Variants in CACNA1A observed in about 807,000 individuals in gnomAD.
CACNA1A encodes the protein calcium voltage-gated channel subunit alpha1 A, also known as voltage-dependent P/Q-type calcium channel subunit alpha-1A.
Under a neutral mutation model 262.4 loss-of-function variants are expected in CACNA1A, and 57 were observed. The ratio of observed to expected loss-of-function variants is 0.22; its 90% CI spans 0.18 to 0.27. The LOEUF is 0.27. Among genes scored for constraint, CACNA1A ranks in the 10% least tolerant of loss-of-function variants. The pLI is 1.00. For missense variants in CACNA1A, 2,526 were observed against 3,562.8 expected, an observed-to-expected ratio of 0.71 and a Z score of 7.41; for synonymous variants, 1,431 against 1,419.3, an observed-to-expected ratio of 1.01 and a Z score of -0.18.
At chr19:13,396,066 G>A (rs1050898291) in intron 3 of CACNA1A, among the ~76,000 whole-genome samples, 3 of 152,176 alleles carry the variant, frequency 2.0e-5, no homozygotes, top group Non-Finnish European at 4.4e-5. Flanking sequence ...GAAGGCTCTC[G>A]TGCAAACACA....
rs1010794210 is a variant in CACNA1A, at chr19:13,207,254, C to T, written c.*59G>A. On this transcript the variant is annotated 3_prime_UTR_variant, in exon 47 of 47. Transcript: ENST00000360228. The surrounding 1 kb of genome is among the most constrained non-coding windows in gnomAD (Gnocchi z 5.7). Reference sequence around the variant, plus strand: ...CCCCCGCGGCCTCTGCGCGGCTCCTCGGGTGGGGTGTGTGCGTGGGGTGCG... The same window carrying T: ...CCCCCGCGGCCTCTGCGCGGCTCCTTGGGTGGGGTGTGTGCGTGGGGTGCG... 1 of 1,459,714 alleles carries T rather than the reference C, an allele frequency of 6.9e-7. No homozygotes were observed. Among genetic ancestry groups the T allele is most frequent in the South Asian group, 1.3e-5 (1 of 76,944 alleles). The allele number at this position is 1,459,714 out of a possible 1,614,324, so 90.4% of individuals were successfully genotyped here.
chr19:13,464,657 TC>T (rs1741870029), intron 1 of CACNA1A, among the ~76,000 whole-genome samples: 2 of 150,490 alleles, frequency 1.3e-5, no homozygotes, highest in South Asian at 2.1e-4. Flanking sequence ...CACGCCATTC[TC>T]CTGCCTCAGC....
At chr19:13,334,756 C>A (rs974221895) in intron 7 of CACNA1A, among the ~76,000 whole-genome samples, 1 of 151,968 alleles carries the variant, frequency 6.6e-6, no homozygotes, top group Non-Finnish European at 1.5e-5. Flanking sequence ...AGAAAAAGGC[C>A]AGGCACAGTG....
At chr19:13,358,940 A>G (rs573004465) in intron 6 of CACNA1A, among the ~76,000 whole-genome samples, 1 of 152,280 alleles carries the variant, frequency 6.6e-6, no homozygotes, top group East Asian at 1.9e-4. Context: ...CTGTCCTGCC[A>G]GAGGGGCTCC....
intron 19 of CACNA1A, among the ~76,000 whole-genome samples, chr19:13,290,454 C>G (rs1384101233): frequency 1.3e-5 from 2 of 151,980 alleles, no homozygotes; most frequent in Non-Finnish European, 2.9e-5. Flanking sequence ...GGGTCTTGCT[C>G]TGTTGCCCAG....
rs1171960249 is a variant in CACNA1A, at chr19:13,241,324, A to G, written c.4950+3858T>C. 1.3e-5 allele frequency among the ~76,000 whole-genome samples: 2 copies of G among 152,020 alleles called. No individual in the cohort carries two copies. The highest frequency in any genetic ancestry group is 6.6e-5 in the Admixed American group (1 of 15,246). On this transcript the variant is annotated intron_variant, in intron 31 of 46. Transcript: ENST00000360228. This position sits in a 1 kb window ranked among gnomAD's most constrained non-coding sequence, Gnocchi z 4.0. The stretch of plus-strand genomic sequence containing the variant: ...CCCATTCAGAACCCGATAAAAACAG[A>G]GAGACAGAGTCTACAGGAAGTGGGA...
intron 17 of CACNA1A, among the ~76,000 whole-genome samples, chr19:13,303,264 T>C (rs896073413): frequency 4.6e-5 from 7 of 152,174 alleles, no homozygotes; most frequent in African/African-American, 1.4e-4. Flanking sequence ...GCTTACTCCC[T>C]GTAAACGGCC....
At position 13,257,338 on chromosome 19, in the gene CACNA1A, T is replaced by C. The variant is rs760554391; in HGVS notation, c.4590+12A>G. 5 of 1,609,448 alleles carry C rather than the reference T, an allele frequency of 3.1e-6. No individual in the cohort carries two copies. In the Admixed American group the frequency reaches 5.0e-5, roughly 16 times the overall value. ...CCAGTTTTTAAAGGACAGATGGAATTGGAAGTGGCACCTCATTTTTCTCCA... is the reference window on the plus strand; with the variant it reads ...CCAGTTTTTAAAGGACAGATGGAATCGGAAGTGGCACCTCATTTTTCTCCA... On this transcript the variant is annotated intron_variant, in intron 28 of 46. Coordinates refer to ENST00000360228, the MANE Select transcript of CACNA1A (RefSeq NM_001127222.2).
At chr19:13,382,555 A>G (rs78235092) in intron 3 of CACNA1A, among the ~76,000 whole-genome samples, 242 of 152,324 alleles carry the variant, frequency 1.6e-3, no homozygotes, top group African/African-American at 5.2e-3. Flanking sequence ...TAAGCTGGAC[A>G]GTGGAGGCTG....
intron 6 of CACNA1A, among the ~76,000 whole-genome samples, chr19:13,339,554 TAGA>T (rs1479819154): frequency 2.0e-5 from 3 of 152,054 alleles, no homozygotes; most frequent in Non-Finnish European, 2.9e-5. Flanking sequence ...TTCAAATAGC[TAGA>T]AGGAGGAGCT....
intron 1 of CACNA1A, among the ~76,000 whole-genome samples, chr19:13,458,946 C>T (rs989534623): frequency 6.6e-5 from 10 of 152,144 alleles, no homozygotes; most frequent in Admixed American, 1.3e-4. Flanking sequence ...CCAACCTCAG[C>T]ACTAGGTTTA....
At chr19:13,464,165 A>G (rs898380563) in intron 1 of CACNA1A, among the ~76,000 whole-genome samples, 2 of 152,194 alleles carry the variant, frequency 1.3e-5, no homozygotes, top group African/African-American at 2.4e-5. Flanking sequence ...AAGGCAGAGG[A>G]TCGCTTGAGG....
intron 12 of CACNA1A, among the ~76,000 whole-genome samples, chr19:13,311,642 C>T (rs1036911891): frequency 3.3e-5 from 5 of 152,132 alleles, no homozygotes; most frequent in African/African-American, 9.7e-5. Context: ...TCAAGACCAT[C>T]CTGGCTAACA....
chr19:13,357,360 A>G, intron 6 of CACNA1A, among the ~76,000 whole-genome samples: 1 of 152,230 alleles, frequency 6.6e-6, no homozygotes, highest in East Asian at 1.9e-4. Context: ...GACCAAGAGG[A>G]AAGTTCAGCT....
chr19:13,446,592 C>T (rs1796490284), intron 3 of CACNA1A, among the ~76,000 whole-genome samples: 1 of 150,226 alleles, frequency 6.7e-6, no homozygotes, highest in Non-Finnish European at 1.5e-5. Context: ...CCAGTGCACA[C>T]CACACCACCA....
rs766657506 is a variant in CACNA1A, at chr19:13,286,710, G to C, written c.3346C>G (p.Pro1116Ala). 1 of 1,592,994 alleles carries C rather than the reference G, an allele frequency of 6.3e-7. No individual in the cohort carries two copies. The highest frequency in any genetic ancestry group is 1.1e-5 in the South Asian group (1 of 89,260). ...MLAIPAMATN[P>A]QNAASRRTPN... Reference sequence around the variant, plus strand: ...GTCCGGCGGCTGGCGGCGTTCTGGGGGTTGGTGGCCATGGCAGGGATGGCC... The same window carrying C: ...GTCCGGCGGCTGGCGGCGTTCTGGGCGTTGGTGGCCATGGCAGGGATGGCC... Residue 1116 changes from proline to alanine, a missense_variant, in exon 20 of 47, where the codon CCC becomes GCC. Around this residue, in one of 17 missense-constraint regions of CACNA1A, gnomAD observed 765 missense variants for 748.6 expected, o/e 1.02. Coordinates refer to ENST00000360228, the MANE Select transcript of CACNA1A (RefSeq NM_001127222.2).
chr19:13,334,589 GTGTT>G (rs1043657225), intron 7 of CACNA1A, 96 bp from the exon 8 acceptor site: 66 of 641,110 alleles, frequency 1.0e-4, no homozygotes, highest in African/African-American at 4.4e-4. Context: ...GTGTGTGTGT[GTGTT>G]TGTGTGTGTG....
intron 31 of CACNA1A, chr19:13,243,558 T>C (rs1226302928): frequency 1.3e-5 from 2 of 151,694 alleles, no homozygotes; most frequent in Non-Finnish European, 2.9e-5. Context: ...GTTTTCTTTC[T>C]TTCTTTTTTT....
In CACNA1A at chr19:13,308,045, ACGGTGGAGGG is replaced by A; in HGVS notation, c.1913+65_1913+74del. The A allele has an allele frequency of 6.3e-7, 1 of 1,578,156 alleles. No homozygotes were observed. The highest frequency in any genetic ancestry group is 8.6e-7 in the Non-Finnish European group (1 of 1,156,176). On this transcript the variant is annotated intron_variant, in intron 14 of 46. Transcript: ENST00000360228. The surrounding 1 kb of genome is among the most constrained non-coding windows in gnomAD (Gnocchi z 4.2). Reference sequence around the variant, plus strand: ...CTGGGCTACGAGGAAGGCAGCCTGCACGGTGGAGGGGACTGTGTGTTCCCTGAGCCTGACC... The same window carrying A: ...CTGGGCTACGAGGAAGGCAGCCTGCAGACTGTGTGTTCCCTGAGCCTGACC...
Sources: allele counts gnomAD v4.1 joint callset (sites outside exome capture counted in the v4.1 genomes callset), GRCh38; gene constraint gnomAD v4.1.1; regional missense constraint gnomAD v4.1.1; non-coding constraint Gnocchi (gnomAD v3.1); transcripts MANE v1.5; gene names NCBI Gene and HGNC (gene_info 2026-07-23, HGNC 2026-07-21).